Variants in PLXDC2 observed in about 807,000 individuals in gnomAD.
PLXDC2 encodes plexin domain-containing protein 2.
In PLXDC2, 40 loss-of-function variants were observed where a neutral mutation model predicts 68.9. That is an observed-to-expected ratio of 0.58 (90% CI 0.45 to 0.76). PLXDC2 has a LOEUF of 0.76. PLXDC2 is among the 30% of genes least tolerant of loss of function. The pLI, the probability that PLXDC2 is intolerant of heterozygous loss-of-function variation, is 0.00. For synonymous variants in PLXDC2, 243 were observed against 234.2 expected, an observed-to-expected ratio of 1.04 and a Z score of -0.34; for missense variants, 644 against 661.9, an observed-to-expected ratio of 0.97 and a Z score of 0.30.
chr10:20,033,745 A>T (rs1163127732), intron 2 of PLXDC2, among the ~76,000 whole-genome samples: 1 of 152,162 alleles, frequency 6.6e-6, no homozygotes, highest in Non-Finnish European at 1.5e-5. Context: ...GTTCCTTCCC[A>T]TGACACTTGG....
At chr10:19,979,233 A>G (rs1218945156) in intron 1 of PLXDC2, among the ~76,000 whole-genome samples, 1 of 152,288 alleles carries the variant, frequency 6.6e-6, no homozygotes, top group South Asian at 2.1e-4. Flanking sequence ...CAATTTTGTG[A>G]TACCTCTGCG....
rs1232933724 is a variant in PLXDC2, at chr10:20,279,983, G to A, written c.*164G>A. 5 of 591,000 alleles carry A rather than the reference G, an allele frequency of 8.5e-6. No homozygotes were observed. The highest frequency in any genetic ancestry group is 8.9e-6 in the Non-Finnish European group (3 of 335,600). 36.6% of individuals were successfully genotyped at this position (591,000 alleles called of 1,614,324 possible). ...GGACAAGCTCAGCCCAGGAAACAAA[G>A]GGTAAACAAAAAACTAAAACTTATA... On this transcript the variant is annotated 3_prime_UTR_variant, in exon 14 of 14. Transcript: ENST00000377252.
intron 9 of PLXDC2, among the ~76,000 whole-genome samples, chr10:20,192,384 T>C (rs1381335670): frequency 1.3e-5 from 2 of 152,036 alleles, no homozygotes; most frequent in Non-Finnish European, 2.9e-5. Context: ...AAAAGATACA[T>C]ATAAAATTGC....
intron 6 of PLXDC2, among the ~76,000 whole-genome samples, chr10:20,160,928 G>T (rs533376033): frequency 3.2e-4 from 48 of 152,238 alleles, no homozygotes; most frequent in Middle Eastern, 3.4e-3. Context: ...GTTTGAGGCT[G>T]CAGTGAGCTA....
At chr10:20,078,637 A>C (rs1836493492) in intron 4 of PLXDC2, among the ~76,000 whole-genome samples, 1 of 152,204 alleles carries the variant, frequency 6.6e-6, no homozygotes, top group Non-Finnish European at 1.5e-5. Flanking sequence ...ATTGCTTTGA[A>C]ATGATGACAT....
intron 4 of PLXDC2, among the ~76,000 whole-genome samples, chr10:20,088,972 G>T (rs551069297): frequency 1.1e-4 from 16 of 152,242 alleles, no homozygotes; most frequent in East Asian, 7.7e-4. Context: ...TCAGGCATAA[G>T]CTGGGCTCAC....
chr10:19,898,730 C>A (rs1466222969), intron 1 of PLXDC2, among the ~76,000 whole-genome samples: 2 of 152,040 alleles, frequency 1.3e-5, no homozygotes, highest in Non-Finnish European at 2.9e-5. Context: ...CAAAATCCAG[C>A]GTACTTAGTT....
intron 1 of PLXDC2, among the ~76,000 whole-genome samples, chr10:19,908,102 A>G (rs1486269214): frequency 6.6e-6 from 1 of 152,188 alleles, no homozygotes; most frequent in East Asian, 1.9e-4. Context: ...CTAAATATAT[A>G]TATGTAAAAA....
chr10:20,220,876 G>C (rs1308025431), intron 12 of PLXDC2, among the ~76,000 whole-genome samples: 1 of 103,564 alleles, frequency 9.7e-6, no homozygotes, highest in African/African-American at 3.8e-5. Context: ...AGTTTCACTT[G>C]TTGTTGCCCA....
At chr10:19,864,837 T>C (rs903941612) in intron 1 of PLXDC2, among the ~76,000 whole-genome samples, 2 of 152,050 alleles carry the variant, frequency 1.3e-5, no homozygotes, top group Non-Finnish European at 2.9e-5. Context: ...CGGGCTGTAG[T>C]TGGAATTGAG....
rs552923781 is a variant in PLXDC2, at chr10:20,140,872, A to T, written c.542-2423A>T. 6.8e-3 allele frequency among the ~76,000 whole-genome samples: 1,006 copies of T among 148,672 alleles called. 6 individuals carry two copies. The highest frequency in any genetic ancestry group is 0.011 in the Non-Finnish European group (721 of 66,896). ...GGTTTTTTTCCTTCTTGGGGTTTTT[A>T]TTTTTTTTTTCATGTTAAGTCTTCG... On this transcript the variant is annotated intron_variant, in intron 4 of 13. Coordinates refer to ENST00000377252, the MANE Select transcript of PLXDC2 (RefSeq NM_032812.9).
chr10:20,116,618 G>A (rs1833626446), intron 4 of PLXDC2, among the ~76,000 whole-genome samples: 1 of 152,188 alleles, frequency 6.6e-6, no homozygotes, highest in Non-Finnish European at 1.5e-5. Context: ...AACATTAGAA[G>A]TAAGGTATTT....
chr10:20,153,033 G>A (rs1378005499), intron 6 of PLXDC2, among the ~76,000 whole-genome samples: 2 of 151,924 alleles, frequency 1.3e-5, no homozygotes. Context: ...AGTCCTTCAG[G>A]GATCTCCACT....
At chr10:20,084,492 C>G (rs896151462) in intron 4 of PLXDC2, among the ~76,000 whole-genome samples, 1 of 152,026 alleles carries the variant, frequency 6.6e-6, no homozygotes, top group African/African-American at 2.4e-5. Context: ...GGCCTTGTAA[C>G]AGGGTAGTGG....
At chr10:20,246,308 C>T (rs571206821) in intron 13 of PLXDC2, among the ~76,000 whole-genome samples, 1 of 152,300 alleles carries the variant, frequency 6.6e-6, no homozygotes, top group South Asian at 2.1e-4. Flanking sequence ...CACCTCTGTC[C>T]TCCAGAAGGT....
intron 1 of PLXDC2, among the ~76,000 whole-genome samples, chr10:19,818,027 C>T (rs147850728): frequency 6.6e-6 from 1 of 152,114 alleles, no homozygotes; most frequent in African/African-American, 2.4e-5. Context: ...GAACTGGGTG[C>T]CTACTCCCCA....
intron 12 of PLXDC2, among the ~76,000 whole-genome samples, chr10:20,240,920 C>T (rs1046397744): frequency 6.6e-6 from 1 of 152,120 alleles, no homozygotes; most frequent in Admixed American, 6.5e-5. Context: ...TGTTAGAACA[C>T]ATCAAGTCAT....
intron 4 of PLXDC2, among the ~76,000 whole-genome samples, chr10:20,086,401 A>G (rs1228834318): frequency 1.3e-5 from 2 of 150,390 alleles, no homozygotes; most frequent in African/African-American, 4.9e-5. Context: ...TATGCTGTCC[A>G]GGTTGGTCTC....
intron 4 of PLXDC2, among the ~76,000 whole-genome samples, chr10:20,107,066 C>A (rs1833501032): frequency 6.8e-6 from 1 of 147,296 alleles, no homozygotes; most frequent in South Asian, 2.1e-4. Context: ...ACACTATATG[C>A]TATATATATA....
Sources: allele counts gnomAD v4.1 joint callset (sites outside exome capture counted in the v4.1 genomes callset), GRCh38; gene constraint gnomAD v4.1.1; transcripts MANE v1.5; gene names NCBI Gene and HGNC (gene_info 2026-07-23, HGNC 2026-07-21).